RPL31: variants seen among roughly 807,000 people sequenced by gnomAD.
The protein encoded by RPL31 is ribosomal protein L31.
For synonymous variants in RPL31, 51 were observed against 55.0 expected, an observed-to-expected ratio of 0.93 and a Z score of 0.32; for missense variants, 95 against 164.0, an observed-to-expected ratio of 0.58 and a Z score of 2.30.
intron 4 of RPL31, among the ~76,000 whole-genome samples, chr2:101,016,850 C>T (rs1679681650): frequency 6.6e-6 from 1 of 151,872 alleles, no homozygotes; most frequent in Non-Finnish European, 1.5e-5. Flanking sequence ...CACATGTTCT[C>T]ACTCATAGAT....
Position 101,019,009 on chromosome 2 carries a change from AAC to A in RPL31, c.360_361del (p.Asn120LysfsTer82). 1 of 1,612,696 alleles carries A rather than the reference AAC, an allele frequency of 6.2e-7. No individual in the cohort carries two copies. The highest frequency in any genetic ancestry group is 1.7e-5 in the Admixed American group (1 of 59,882). On this transcript the variant is annotated frameshift_variant, in exon 5 of 5. Coordinates refer to the RPL31 transcript ENST00000409028. LOFTEE classifies it high-confidence loss of function. ...TATTTCTGTGCTAGTTTCTGTGCTA[AAC>A]AGTGTTACAGTCGCCAAGAGCCCAT...
intron 2 of RPL31, among the ~76,000 whole-genome samples, chr2:101,003,316 T>C (rs535299394): frequency 6.6e-6 from 1 of 152,292 alleles, no homozygotes; most frequent in South Asian, 2.1e-4. Context: ...GCCATCTGTT[T>C]TGTTTTGTTT....
Position 101,002,754 on chromosome 2 carries a change from A to G in RPL31, c.53A>G (p.Asn18Ser), listed in dbSNP as rs769416965. The change falls in exon 2 of 5, where the codon AAC becomes AGC. Residue 18 changes from asparagine to serine, a missense_variant. Transcript: ENST00000264258. ...AAGAAAAAGGGCCGTTCTGCCATCA[A>G]CGAAGTGGTAACCCGAGAATACACC... is the stretch of plus-strand genomic sequence containing the variant. ...GEKKKGRSAINEVVTREYTIN... is the reference protein window; with the variant it reads ...GEKKKGRSAISEVVTREYTIN... 8.1e-6 allele frequency: 13 copies of G among 1,614,186 alleles called. No individual in the cohort carries two copies. Among genetic ancestry groups the G allele is most frequent in the East Asian group, 2.2e-5 (1 of 44,882 alleles).
chr2:101,006,180 T>C, intron 4 of RPL31, 109 bp downstream of exon 4: 2 of 1,514,098 alleles, frequency 1.3e-6, no homozygotes, highest in Admixed American at 2.4e-5. Context: ...CATTGTACCC[T>C]TTTTAAATTG....
In RPL31 at chr2:101,006,422, C is replaced by A; in HGVS notation, c.*41C>A. 1 of 1,589,954 alleles carries A rather than the reference C, an allele frequency of 6.3e-7. No homozygotes were observed. Among genetic ancestry groups the A allele is most frequent in the Non-Finnish European group, 8.6e-7 (1 of 1,168,792 alleles). ...TCAAATAAAGTTATAAAATTGCCTT[C>A]ATGTTTTTGTTCTTTTTAGTTGCAA... On this transcript the variant is annotated 3_prime_UTR_variant, in exon 5 of 5. Transcript: ENST00000264258.
chr2:101,012,304 T>C (rs1295812478), intron 4 of RPL31, among the ~76,000 whole-genome samples: 1 of 152,208 alleles, frequency 6.6e-6, no homozygotes, highest in East Asian at 1.9e-4. Context: ...CACCCAAATG[T>C]TGAATAAATT....
chr2:101,008,276 G>A (rs563623692), downstream of RPL31: 14 of 1,516,052 alleles, frequency 9.2e-6, no homozygotes, highest in South Asian at 8.0e-5. Context: ...AATTCTCTCT[G>A]AAATTGAAAT....
At chr2:101,004,649 A>T (rs2105348953) in intron 3 of RPL31, 3 of 245,804 alleles carry the variant, frequency 1.2e-5, no homozygotes, top group African/African-American at 4.6e-5. Flanking sequence ...CAAGTCCACC[A>T]GGAGAGAAGT....
At chr2:101,015,656 T>G (rs963406566) in intron 4 of RPL31, among the ~76,000 whole-genome samples, 1 of 152,322 alleles carries the variant, frequency 6.6e-6, no homozygotes, top group East Asian at 1.9e-4. Flanking sequence ...GGCATCACGC[T>G]ACGTGACTTC....
chr2:101,011,657 T>C, downstream of RPL31: 1 of 1,068,894 alleles, frequency 9.4e-7, no homozygotes. Context: ...CTGTGGACTG[T>C]AGTTTTTGCA....
At chr2:101,007,990 A>T, downstream of RPL31, 1 of 1,614,034 alleles carries the variant, frequency 6.2e-7, no homozygotes. Context: ...AATATGTTCA[A>T]GGGAGACAGT....
At chr2:101,016,282 T>C (rs952872772) in intron 4 of RPL31, among the ~76,000 whole-genome samples, 5 of 152,142 alleles carry the variant, frequency 3.3e-5, no homozygotes, top group Non-Finnish European at 7.3e-5. Context: ...CAGACACTTC[T>C]CAAAAGAAGA....
At chr2:101,008,952 G>A (rs955564922), downstream of RPL31, among the ~76,000 whole-genome samples, 1 of 152,202 alleles carries the variant, frequency 6.6e-6, no homozygotes, top group Non-Finnish European at 1.5e-5. Context: ...AGGCCATGCA[G>A]GACCTAAATG....
chr2:101,008,145 T>C, downstream of RPL31: 1 of 1,613,870 alleles, frequency 6.2e-7, no homozygotes, highest in Non-Finnish European at 8.5e-7. Flanking sequence ...AGCTGCTGCC[T>C]CGCTGCCCCA....
At chr2:101,009,982 CA>C (rs575777496), downstream of RPL31, among the ~76,000 whole-genome samples, 85 of 151,952 alleles carry the variant, frequency 5.6e-4, no homozygotes, top group African/African-American at 1.8e-3. Context: ...CCACCACGTC[CA>C]GCTAATTTTT....
chr2:101,017,921 G>A, intron 4 of RPL31: 1 of 1,550,788 alleles, frequency 6.4e-7, no homozygotes. Flanking sequence ...CGAACAAGAA[G>A]AGGAAAGCAA....
chr2:101,015,939 CTTAAACG>C (rs1174399682), intron 4 of RPL31, among the ~76,000 whole-genome samples: 1 of 151,916 alleles, frequency 6.6e-6, no homozygotes. Flanking sequence ...GGATTAAAGA[CTTAAACG>C]TTAGACCTAA....
At chr2:101,007,897 T>C, downstream of RPL31, 1 of 1,614,058 alleles carries the variant, frequency 6.2e-7, no homozygotes, top group Non-Finnish European at 8.5e-7. Context: ...CTGATTGATC[T>C]TGGCATTTTC....
At chr2:101,013,156 C>A (rs1481683517) in intron 4 of RPL31, among the ~76,000 whole-genome samples, 1 of 152,166 alleles carries the variant, frequency 6.6e-6, no homozygotes, top group African/African-American at 2.4e-5. Context: ...TTAACAGTGA[C>A]AAGGAGCTGA....
Sources: allele counts gnomAD v4.1 joint callset (sites outside exome capture counted in the v4.1 genomes callset), GRCh38; gene constraint gnomAD v4.1.1; transcripts MANE v1.5; gene names NCBI Gene and HGNC (gene_info 2026-07-23, HGNC 2026-07-21).